Variants in MORF4L1 observed in about 807,000 individuals in gnomAD.
MORF4L1 encodes the protein mortality factor 4 like 1.
In MORF4L1, 4 loss-of-function variants were observed where a neutral mutation model predicts 52.9. The observed-to-expected ratio is 0.08, with a 90% CI of 0.04 to 0.17. MORF4L1 has a LOEUF of 0.17. MORF4L1 is among the 10% of genes least tolerant of loss of function. MORF4L1 has a pLI of 1.00. For missense variants in MORF4L1, 214 were observed against 390.4 expected (o/e 0.55, Z 3.81); for synonymous variants, 123 against 134.8 (o/e 0.91, Z 0.61).
chr15:78,895,609 A>G (rs571531055), intron 11 of MORF4L1, among the ~76,000 whole-genome samples: 15 of 152,346 alleles, frequency 9.8e-5, no homozygotes, highest in African/African-American at 2.4e-4. Context: ...CATGTTTTCA[A>G]TTGAAAAACA....
At chr15:78,878,547 G>C (rs571456820) in intron 2 of MORF4L1, among the ~76,000 whole-genome samples, 9 of 152,226 alleles carry the variant, frequency 5.9e-5, no homozygotes, top group Middle Eastern at 6.8e-3. Context: ...AGCATTTTGT[G>C]GTTAATGACT....
Position 78,886,220 on chromosome 15 carries a change from G to A in MORF4L1, c.235G>A (p.Ala79Thr). 1 of 1,612,936 alleles carries A rather than the reference G, an allele frequency of 6.2e-7. No homozygotes were observed. ...NLQKQRELQK[A>T]NQEQYAEGKM... Reference sequence around the variant, plus strand: ...GCAGAAACAGCGAGAACTTCAAAAAGCCAATCAGTAAGTTTGTTTTGTGAA... The same window carrying A: ...GCAGAAACAGCGAGAACTTCAAAAAACCAATCAGTAAGTTTGTTTTGTGAA... Residue 79 changes from alanine (A) to threonine (T), a missense_variant, in exon 4 of 12, where the codon GCC becomes ACC. Physicochemically the swap from Ala to Thr is moderately conservative, Grantham distance 58. This residue lies in a region of MORF4L1 where 84 missense variants were observed against 116.3 expected (regional missense o/e 0.72). Transcript: ENST00000426013.
intron 1 of MORF4L1, chr15:78,876,361 C>CCTAT: frequency 3.2e-6 from 1 of 312,274 alleles, no homozygotes; most frequent in South Asian, 2.7e-5. Flanking sequence ...ATTCTTAAGG[C>CCTAT]ATAGTGATTG....
chr15:78,879,243 A>G (rs989642661), intron 2 of MORF4L1, among the ~76,000 whole-genome samples: 1 of 151,968 alleles, frequency 6.6e-6, no homozygotes, highest in African/African-American at 2.4e-5. Flanking sequence ...CCGCCCCCCA[A>G]GACAGTATTG....
intron 3 of MORF4L1, among the ~76,000 whole-genome samples, chr15:78,880,918 A>T (rs8039144): frequency 0.21 from 30,576 of 143,514 alleles, 4,110 homozygotes; most frequent in East Asian, 0.64. Flanking sequence ...GGCCTGAATT[A>T]TTTGGCCTTA....
At chr15:78,888,372 T>C (rs1292344991) in intron 5 of MORF4L1, among the ~76,000 whole-genome samples, 1 of 151,506 alleles carries the variant, frequency 6.6e-6, no homozygotes. Flanking sequence ...GAGGCCGATG[T>C]GGGAGGGTCA....
At chr15:78,895,049 C>A in intron 11 of MORF4L1, 145 bp downstream of exon 11, 1 of 656,924 alleles carries the variant, frequency 1.5e-6, no homozygotes, top group Non-Finnish European at 2.7e-6. Context: ...TAAGTGCAAA[C>A]ACATGGGAGT....
intron 3 of MORF4L1, among the ~76,000 whole-genome samples, chr15:78,881,714 A>C (rs1407286005): frequency 6.6e-6 from 1 of 152,196 alleles, no homozygotes; most frequent in Non-Finnish European, 1.5e-5. Flanking sequence ...AATTTTTACT[A>C]TGGGAGGTTT....
chr15:78,878,598 T>C (rs567933919), intron 2 of MORF4L1, among the ~76,000 whole-genome samples: 64 of 152,318 alleles, frequency 4.2e-4, no homozygotes, highest in Admixed American at 7.8e-4. Context: ...AAAAGTAATA[T>C]ATGCTGAGTA....
At chr15:78,885,848 CACTT>C (rs1201998040) in intron 3 of MORF4L1, among the ~76,000 whole-genome samples, 4 of 152,156 alleles carry the variant, frequency 2.6e-5, no homozygotes, top group African/African-American at 9.7e-5. Flanking sequence ...TAAGACTAAT[CACTT>C]AGTGAATCTT....
intron 3 of MORF4L1, among the ~76,000 whole-genome samples, chr15:78,884,147 T>G (rs1207651125): frequency 6.7e-6 from 1 of 149,794 alleles, no homozygotes; most frequent in Non-Finnish European, 1.5e-5. Flanking sequence ...GAGGTTGCAG[T>G]GAGCCGAGAT....
chr15:78,892,501 A>G (rs2056818598), intron 8 of MORF4L1, 188 bp downstream of exon 8: 1 of 468,812 alleles, frequency 2.1e-6, no homozygotes, highest in East Asian at 3.4e-5. Context: ...ATAAAAGTTC[A>G]CATATAAATT....
intron 1 of MORF4L1, among the ~76,000 whole-genome samples, chr15:78,877,576 A>C (rs2056519178): frequency 6.6e-6 from 1 of 152,186 alleles, no homozygotes; most frequent in Admixed American, 6.5e-5. Context: ...ATTGCTTCCA[A>C]GACTTCCAGG....
chr15:78,879,671 T>C (rs893791970), intron 2 of MORF4L1, among the ~76,000 whole-genome samples: 5 of 151,662 alleles, frequency 3.3e-5, no homozygotes, highest in South Asian at 2.1e-4. Context: ...GGCTGTGACG[T>C]ACAAGCCTGT....
At chr15:78,884,653 A>AG (rs1352418870) in intron 3 of MORF4L1, among the ~76,000 whole-genome samples, 2 of 24,518 alleles carry the variant, frequency 8.2e-5, no homozygotes, top group Non-Finnish European at 3.0e-4. Context: ...AAAAAAAAAA[A>AG]AAAAAATACA....
intron 1 of MORF4L1, among the ~76,000 whole-genome samples, chr15:78,877,471 G>A (rs887479059): frequency 6.6e-6 from 1 of 152,170 alleles, no homozygotes; most frequent in Non-Finnish European, 1.5e-5. Flanking sequence ...GGATATTTCA[G>A]TTGTCCATGG....
At chr15:78,878,767 C>G (rs1421975741) in intron 2 of MORF4L1, among the ~76,000 whole-genome samples, 1 of 152,104 alleles carries the variant, frequency 6.6e-6, no homozygotes, top group Non-Finnish European at 1.5e-5. Flanking sequence ...TTACATTTAG[C>G]TGAAGGTAAG....
intron 9 of MORF4L1, 96 bp from the exon 10 acceptor site, chr15:78,893,962 A>T: frequency 8.1e-7 from 1 of 1,231,436 alleles, no homozygotes; most frequent in Non-Finnish European, 1.1e-6. Context: ...GTTCATTATT[A>T]CTAGCTCAGC....
intron 2 of MORF4L1, among the ~76,000 whole-genome samples, chr15:78,878,893 G>A (rs6495349): frequency 0.99 from 151,074 of 152,326 alleles, 74,936 homozygotes; most frequent in Middle Eastern, 1. Flanking sequence ...CCAAAAATGA[G>A]CCCGTAAAAT....
Sources: gnomAD v4.1 joint callset for allele counts (sites outside exome capture counted in the v4.1 genomes callset) on GRCh38, gnomAD v4.1.1 for gene constraint, gnomAD v4.1.1 regional missense constraint, MANE v1.5 for transcripts, NCBI Gene and HGNC (gene_info 2026-07-23, HGNC 2026-07-21) for gene names.